ATAD3A: variants seen among roughly 807,000 people sequenced by gnomAD.
The protein encoded by ATAD3A is ATPase family AAA domain-containing protein 3A.
Under a neutral mutation model 73.8 loss-of-function variants are expected in ATAD3A, and 46 were observed. The observed-to-expected ratio is 0.62, with a 90% CI of 0.49 to 0.80. The LOEUF (loss-of-function observed/expected upper bound fraction) is 0.80. Ranked by LOEUF, ATAD3A falls within the 30% of genes least tolerant of loss-of-function variation. The pLI, the probability that ATAD3A is intolerant of heterozygous loss-of-function variation, is 0.00. For synonymous variants in ATAD3A, 319 were observed against 350.0 expected, an observed-to-expected ratio of 0.91 and a Z score of 0.99; for missense variants, 705 against 838.0, an observed-to-expected ratio of 0.84 and a Z score of 1.96.
chr1:1,515,763 G>A (rs1465438380), intron 1 of ATAD3A, among the ~76,000 whole-genome samples: 1 of 152,242 alleles, frequency 6.6e-6, no homozygotes, highest in Non-Finnish European at 1.5e-5. Context: ...ACGTGGGATG[G>A]CCTTCCTGAT....
At chr1:1,514,095 C>G (rs937306147) in intron 1 of ATAD3A, among the ~76,000 whole-genome samples, 42 of 152,184 alleles carry the variant, frequency 2.8e-4, no homozygotes, top group Non-Finnish European at 4.3e-4. Context: ...ACGCACGTCC[C>G]TGGCACAGGG....
intron 15 of ATAD3A, among the ~76,000 whole-genome samples, chr1:1,530,784 C>G (rs1642005424): frequency 3.0e-5 from 3 of 98,374 alleles, no homozygotes; most frequent in South Asian, 7.4e-4. Flanking sequence ...AGCCGAGATC[C>G]CGCCACTGCA....
intron 7 of ATAD3A, among the ~76,000 whole-genome samples, chr1:1,521,662 C>T (rs1268941586): frequency 2.6e-5 from 4 of 152,256 alleles, no homozygotes; most frequent in Non-Finnish European, 4.4e-5. Context: ...GACCGTGTCA[C>T]GTGAGGACAT....
intron 2 of ATAD3A, among the ~76,000 whole-genome samples, chr1:1,516,458 G>C (rs1280136202): frequency 6.6e-6 from 1 of 152,102 alleles, no homozygotes; most frequent in Non-Finnish European, 1.5e-5. Flanking sequence ...CTGTTTCCCA[G>C]GCTGGAGTTC....
intron 15 of ATAD3A, among the ~76,000 whole-genome samples, chr1:1,533,565 T>G (rs1475720829): frequency 6.6e-6 from 1 of 152,116 alleles, no homozygotes; most frequent in Non-Finnish European, 1.5e-5. Flanking sequence ...TGAGGTGCAC[T>G]ATGACCCGGG....
intron 13 of ATAD3A, chr1:1,527,358 C>T (rs556574033): frequency 1.0e-5 from 11 of 1,063,040 alleles, no homozygotes; most frequent in South Asian, 1.6e-5. Flanking sequence ...GCTCCTGGCA[C>T]GTGTGGGCGA....
intron 14 of ATAD3A, among the ~76,000 whole-genome samples, chr1:1,528,628 C>T (rs1171334903): frequency 6.6e-6 from 1 of 152,246 alleles, no homozygotes; most frequent in East Asian, 1.9e-4. Context: ...CCTGGCACCA[C>T]ACACCGGCTG....
chr1:1,529,289 C>T lies in ATAD3A; in HGVS notation c.1572C>T (p.Gly524=), dbSNP rs1204946521. ...KCSEVARLTE[G]MSGREIAQLA... is the part of the protein sequence containing the mutation. ...CGGAGGTCGCTCGGCTGACGGAGGG[C>T]ATGTCGGGCCGGGAGATCGCTCAGC... Residue 524 remains glycine (G), a synonymous_variant, in exon 15 of 16, where the codon GGC becomes GGT. Coordinates refer to ENST00000378756, the MANE Select transcript of ATAD3A (RefSeq NM_001170535.3). 6 of 1,606,244 alleles carry T rather than the reference C, an allele frequency of 3.7e-6. No individual in the cohort carries two copies. Among genetic ancestry groups the T allele is most frequent in the Non-Finnish European group, 5.1e-6 (6 of 1,177,270 alleles).
Position 1,512,200 on chromosome 1 carries a change from C to A in ATAD3A, c.-69C>A, listed in dbSNP as rs905421314. On this transcript the variant is annotated 5_prime_UTR_variant, in exon 1 of 16. Coordinates refer to ENST00000378756, the MANE Select transcript of ATAD3A (RefSeq NM_001170535.3). ...ACCGGCTCGCGGCGCGTGGAGGCTG[C>A]TCCCAGCCGCGCGCGAGTCAGACTC... The A allele has an allele frequency of 6.7e-5, 83 of 1,231,454 alleles. No individual in the cohort carries two copies. Among genetic ancestry groups the A allele is most frequent in the Non-Finnish European group, 8.4e-5 (83 of 983,778 alleles). 76.3% of individuals were successfully genotyped at this position (1,231,454 alleles called of 1,614,324 possible).
At chr1:1,522,652 C>A in intron 7 of ATAD3A, 92 bp from the exon 8 acceptor site, 3 of 1,572,922 alleles carry the variant, frequency 1.9e-6, no homozygotes, top group African/African-American at 1.3e-5. Flanking sequence ...CTCCCTCGGG[C>A]GGAGAGAGGG....
Position 1,529,348 on chromosome 1 carries a change from C to T in ATAD3A, c.1614+17C>T. 6.5e-7 allele frequency: 1 copy of T among 1,544,852 alleles called. No homozygotes were observed. Among genetic ancestry groups the T allele is most frequent in the Non-Finnish European group, 8.8e-7 (1 of 1,142,734 alleles). On this transcript the variant is annotated intron_variant, in intron 15 of 15. Transcript: ENST00000378756. ...TCCTGGCAGGTGAGTCAGGCTCCGG[C>T]ACGTCCACCCAGACGGGACCCCAGC...
intron 15 of ATAD3A, among the ~76,000 whole-genome samples, chr1:1,531,552 T>G (rs1282510242): frequency 5.3e-5 from 8 of 150,520 alleles, no homozygotes; most frequent in African/African-American, 2.0e-4. Flanking sequence ...GATGGGCGGA[T>G]CATGAAGTCA....
At chr1:1,525,094 C>T (rs1007747550) in intron 11 of ATAD3A, 146 bp from the exon 12 acceptor site, 7 of 1,131,594 alleles carry the variant, frequency 6.2e-6, no homozygotes, top group East Asian at 2.4e-5. Flanking sequence ...CGGCTTCTGT[C>T]GAGTCCAGGA....
In ATAD3A at chr1:1,529,321, T is replaced by C. The variant is rs1375709453; in HGVS notation, c.1604T>C (p.Val535Ala). Residue 535 changes from valine (V) to alanine (A), a missense_variant, in exon 15 of 16, where the codon GTG becomes GCG. By Grantham distance (64) the Val-to-Ala change is moderately conservative (BLOSUM62 0). Coordinates refer to ENST00000378756, the MANE Select transcript of ATAD3A (RefSeq NM_001170535.3). ...MSGREIAQLA[V>A]SWQATAYASE... ...GGCCGGGAGATCGCTCAGCTGGCCG[T>C]GTCCTGGCAGGTGAGTCAGGCTCCG... 6.3e-7 allele frequency: 1 copy of C among 1,587,858 alleles called. No homozygotes were observed. The highest frequency in any genetic ancestry group is 8.6e-7 in the Non-Finnish European group (1 of 1,167,694).
chr1:1,525,047 G>C (rs1641752900), intron 11 of ATAD3A, among the ~76,000 whole-genome samples, 193 bp from the exon 12 acceptor site: 1 of 152,190 alleles, frequency 6.6e-6, no homozygotes, highest in Non-Finnish European at 1.5e-5. Context: ...GCCTTCTGAG[G>C]CTGGGCCGTG....
At chr1:1,518,829 C>A in intron 4 of ATAD3A, 92 bp from the exon 5 acceptor site, 1 of 1,609,014 alleles carries the variant, frequency 6.2e-7, no homozygotes, top group Admixed American at 1.7e-5. Context: ...CACACTCACC[C>A]CCCTGCACAC....
chr1:1,527,283 C>A, intron 13 of ATAD3A: 1 of 1,228,604 alleles, frequency 8.1e-7, no homozygotes, highest in Non-Finnish European at 1.1e-6. Context: ...TGACTCGGGT[C>A]CTTCCCAGAG....
At chr1:1,516,286 G>A (rs956744562) in intron 2 of ATAD3A, among the ~76,000 whole-genome samples, 198 bp downstream of exon 2, 18 of 152,298 alleles carry the variant, frequency 1.2e-4, no homozygotes, top group African/African-American at 3.9e-4. Context: ...CCGCCCGAGA[G>A]GGAGGGCTGG....
At position 1,523,185 on chromosome 1, in the gene ATAD3A, C is replaced by CT. The variant is rs1367661881; in HGVS notation, c.906+287dup. On this transcript the variant is annotated intron_variant, in intron 8 of 15. Coordinates refer to ENST00000378756, the MANE Select transcript of ATAD3A (RefSeq NM_001170535.3). This position sits in a 1 kb window ranked among gnomAD's most constrained non-coding sequence, Gnocchi z 5.1. ...ACCCGGGACTTGGGTGTGCGGCCGT[C>CT]TATCAGGGAAGCTGCTACAGGCCAC... Among the ~76,000 whole-genome samples, 1 of 152,158 alleles carries CT rather than the reference C, an allele frequency of 6.6e-6. No homozygotes were observed. Among genetic ancestry groups the CT allele is most frequent in the East Asian group, 1.9e-4 (1 of 5,178 alleles).
Sources: allele counts gnomAD v4.1 joint callset (sites outside exome capture counted in the v4.1 genomes callset), GRCh38; gene constraint gnomAD v4.1.1; non-coding constraint Gnocchi (gnomAD v3.1); transcripts MANE v1.5; gene names NCBI Gene and HGNC (gene_info 2026-07-23, HGNC 2026-07-21).